EPB41L3: variants seen among roughly 807,000 people sequenced by gnomAD.
EPB41L3 encodes band 4.1-like protein 3.
In EPB41L3, 57 loss-of-function variants were observed where a neutral mutation model predicts 127.1. The observed-to-expected ratio is 0.45, with a 90% confidence interval of 0.36 to 0.56. The LOEUF (loss-of-function observed/expected upper bound fraction) is 0.56, where lower values mean the gene tolerates loss of function less well. Among genes scored for constraint, EPB41L3 ranks in the 20% least tolerant of loss-of-function variants. The pLI, the probability that EPB41L3 is intolerant of heterozygous loss-of-function variation, is 0.00. For missense variants in EPB41L3, 1,273 were observed against 1,372.2 expected (o/e 0.93, Z 1.14); for synonymous variants, 572 against 549.5 (o/e 1.04, Z -0.57).
chr18:5,528,451 C>G (rs1196560914), intron 1 of EPB41L3, among the ~76,000 whole-genome samples: 1 of 152,148 alleles, frequency 6.6e-6, no homozygotes, highest in African/African-American at 2.4e-5. Flanking sequence ...GCTGGGATTA[C>G]AGACCCTGAG....
At chr18:5,559,462 G>A (rs1443243097) in intron 3 of EPB41L3, among the ~76,000 whole-genome samples, 2 of 152,106 alleles carry the variant, frequency 1.3e-5, no homozygotes, top group Non-Finnish European at 2.9e-5. Context: ...AAGGCAGAGC[G>A]TCATAGCAGC....
rs1416199956 is a variant in EPB41L3 at position 5,539,673 on chromosome 18, G to T, written c.-12+4240C>A. 2.6e-5 allele frequency: 4 copies of T among 152,156 alleles called. No homozygotes were observed. The East Asian group carries it at 7.7e-4, about 29-fold the overall frequency. The allele number at this position is 152,156 out of a possible 1,614,324, so 9.4% of individuals were successfully genotyped here. ...AAGGAACATCTGCAGCCATTCTGTGGTTCTTCATTTTTTATGCTGATATTA... is the reference window on the plus strand; with the variant it reads ...AAGGAACATCTGCAGCCATTCTGTGTTTCTTCATTTTTTATGCTGATATTA... On this transcript the variant is annotated intron_variant, in intron 1 of 22. Transcript: ENST00000341928.
intron 3 of EPB41L3, among the ~76,000 whole-genome samples, chr18:5,474,542 C>T (rs1015511182): frequency 6.6e-6 from 1 of 152,080 alleles, no homozygotes; most frequent in Non-Finnish European, 1.5e-5. Flanking sequence ...CGTCATGGCA[C>T]AGTTGAGCCT....
chr18:5,471,775 T>A (rs957179408), intron 3 of EPB41L3, among the ~76,000 whole-genome samples: 1 of 152,170 alleles, frequency 6.6e-6, no homozygotes, highest in Non-Finnish European at 1.5e-5. Flanking sequence ...TCAAAGGAGT[T>A]AGCTTTGCAC....
rs2090622164 is a variant in EPB41L3, at chr18:5,491,792, G to T, written c.-11-2598C>A. Among the ~76,000 whole-genome samples the T allele has an allele frequency of 2.0e-5, 3 of 152,096 alleles. No individual in the cohort carries two copies. The South Asian group carries it at 6.2e-4, about 32-fold the overall frequency. On this transcript the variant is annotated intron_variant, in intron 1 of 22. Coordinates refer to ENST00000341928, the MANE Select transcript of EPB41L3 (RefSeq NM_012307.5). ...ACTGTCAAGGCTACTGAGAGATAAA[G>T]TAATAAAACTTTAAAATGTACGTCT...
chr18:5,470,342 C>T (rs141380594), intron 3 of EPB41L3, among the ~76,000 whole-genome samples: 1 of 152,168 alleles, frequency 6.6e-6, no homozygotes, highest in African/African-American at 2.4e-5. Context: ...ATGTAACAAG[C>T]GCCCAAGCAA....
chr18:5,429,743 G>A (rs968357007), intron 8 of EPB41L3, among the ~76,000 whole-genome samples: 3 of 152,158 alleles, frequency 2.0e-5, no homozygotes, highest in Admixed American at 6.5e-5. Context: ...TTGATGGCAG[G>A]ATATTACAAT....
chr18:5,597,524 T>C (rs1248769732), intron 3 of EPB41L3, among the ~76,000 whole-genome samples: 2 of 152,206 alleles, frequency 1.3e-5, no homozygotes, highest in African/African-American at 4.8e-5. Flanking sequence ...CTACTGTTTA[T>C]TTTAGGAAAA....
At chr18:5,545,283 GA>G (rs889065839), upstream of EPB41L3, among the ~76,000 whole-genome samples, 4 of 152,026 alleles carry the variant, frequency 2.6e-5, no homozygotes, top group Non-Finnish European at 5.9e-5. Flanking sequence ...TTAAAAGAGG[GA>G]AAAAAATGGA....
intron 3 of EPB41L3, among the ~76,000 whole-genome samples, chr18:5,592,858 T>C (rs1192709188): frequency 6.6e-6 from 1 of 152,238 alleles, no homozygotes; most frequent in Non-Finnish European, 1.5e-5. Context: ...TATATCTTGC[T>C]TTATTGTCGT....
chr18:5,573,747 A>G (rs1432731658), intron 3 of EPB41L3, among the ~76,000 whole-genome samples: 1 of 152,180 alleles, frequency 6.6e-6, no homozygotes, highest in Non-Finnish European at 1.5e-5. Context: ...ATTTTTTATT[A>G]TAAATATTAT....
chr18:5,469,791 T>G (rs1445178184), intron 3 of EPB41L3, among the ~76,000 whole-genome samples: 4 of 138,734 alleles, frequency 2.9e-5, no homozygotes, highest in Non-Finnish European at 4.7e-5. Context: ...TTTTTTTTTT[T>G]GAGATGGAGT....
chr18:5,626,454 G>A (rs1349362037), intron 1 of EPB41L3, among the ~76,000 whole-genome samples: 2 of 152,016 alleles, frequency 1.3e-5, no homozygotes, highest in African/African-American at 2.4e-5. Flanking sequence ...AATATAAATA[G>A]CGGGTTTCAA....
chr18:5,406,796 T>A lies in EPB41L3; in HGVS notation c.2330A>T (p.Glu777Val). 1.9e-6 allele frequency: 3 copies of A among 1,614,020 alleles called. No individual in the cohort carries two copies. Among genetic ancestry groups the A allele is most frequent in the Non-Finnish European group, 2.5e-6 (3 of 1,179,950 alleles). Reference sequence around the variant, plus strand: ...ACTGACCTCTTCAGGGACAAGTGGTTCGATCATGGGGGCATCCTCCTGCCT... The same window carrying A: ...ACTGACCTCTTCAGGGACAAGTGGTACGATCATGGGGGCATCCTCCTGCCT... ...AARQEDAPMI[E>V]PLVPEETKQS... Residue 777 changes from glutamate (E) to valine (V), a missense_variant, in exon 16 of 23, where the codon GAA becomes GTA. This residue lies in a region of EPB41L3 where 765 missense variants were observed against 782.9 expected (regional missense o/e 0.98). Transcript: ENST00000341928.
chr18:5,551,366 A>G (rs2093961110), intron 3 of EPB41L3, among the ~76,000 whole-genome samples: 1 of 152,122 alleles, frequency 6.6e-6, no homozygotes, highest in Non-Finnish European at 1.5e-5. Flanking sequence ...TTTTACTAGC[A>G]CAGACGGGTG....
intron 6 of EPB41L3, among the ~76,000 whole-genome samples, chr18:5,436,609 C>A (rs201940838): frequency 3.2e-4 from 48 of 151,952 alleles, no homozygotes; most frequent in African/African-American, 9.7e-4. Flanking sequence ...AGGGTTTCAC[C>A]GTGTTAGCCA....
intron 11 of EPB41L3, among the ~76,000 whole-genome samples, chr18:5,421,547 A>G (rs996104433): frequency 1.3e-5 from 2 of 152,212 alleles, no homozygotes; most frequent in Non-Finnish European, 2.9e-5. Flanking sequence ...ACACAATGGC[A>G]ATTAACTTCC....
rs777729951 is a variant in EPB41L3 at position 5,438,156 on chromosome 18, A to C, written c.530-46T>G. On this transcript the variant is annotated intron_variant, in intron 5 of 22. Coordinates refer to ENST00000341928, the MANE Select transcript of EPB41L3 (RefSeq NM_012307.5). ...TAGAGTAAAACCTTGAGAAATTCTT[A>C]TGACTCTAATCGATGGCCAGAACTG... The C allele has an allele frequency of 3.2e-6, 5 of 1,573,966 alleles. No individual in the cohort carries two copies. The East Asian group carries it at 1.1e-4, about 35-fold the overall frequency.
chr18:5,522,095 T>G (rs902986625), intron 1 of EPB41L3, among the ~76,000 whole-genome samples: 1 of 151,834 alleles, frequency 6.6e-6, no homozygotes, highest in African/African-American at 2.4e-5. Flanking sequence ...CAAATCGTTA[T>G]TTATTTATTT....
Sources: gnomAD v4.1 joint callset for allele counts (sites outside exome capture counted in the v4.1 genomes callset) on GRCh38, gnomAD v4.1.1 for gene constraint, gnomAD v4.1.1 regional missense constraint, MANE v1.5 for transcripts, NCBI Gene and HGNC (gene_info 2026-07-23, HGNC 2026-07-21) for gene names.